The following SLCO1A2 variants were observed in gnomAD, a reference collection of about 807,000 sequenced individuals.
SLCO1A2 encodes the protein OATP-1.
SLCO1A2 carries 67 observed loss-of-function variants against 69.0 expected under a neutral mutation model. The observed-to-expected ratio is 0.97, with a 90% confidence interval of 0.80 to 1.19. SLCO1A2 has a LOEUF of 1.19. SLCO1A2 is among the 50% of genes most tolerant of loss of function. The pLI, the probability that SLCO1A2 is intolerant of heterozygous loss-of-function variation, is 0.00. For missense variants in SLCO1A2, 787 were observed against 793.7 expected (o/e 0.99, Z 0.10); for synonymous variants, 260 against 265.9 (o/e 0.98, Z 0.22).
At chr12:21,337,587 C>T (rs190927984), upstream of SLCO1A2, among the ~76,000 whole-genome samples, 7 of 151,990 alleles carry the variant, frequency 4.6e-5, no homozygotes, top group Admixed American at 1.3e-4. Flanking sequence ...TTTCCAGGAT[C>T]TTGAAATGGC....
At chr12:21,343,123 G>A (rs571922146) in intron 2 of SLCO1A2, among the ~76,000 whole-genome samples, 2 of 152,202 alleles carry the variant, frequency 1.3e-5, no homozygotes, top group East Asian at 3.9e-4. Context: ...GGAAAGGCAG[G>A]GAGAGAGACT....
At chr12:21,368,037 G>A (rs80327461) in intron 2 of SLCO1A2, among the ~76,000 whole-genome samples, 5,804 of 152,146 alleles carry the variant, frequency 0.038, 153 homozygotes, top group African/African-American at 0.069. Context: ...GCAATTATCA[G>A]CAAAGATTGC....
At chr12:21,413,294 A>G (rs1941941305) in intron 1 of SLCO1A2, among the ~76,000 whole-genome samples, 1 of 141,556 alleles carries the variant, frequency 7.1e-6, no homozygotes, top group Admixed American at 7.4e-5. Context: ...GCTGGAAAGC[A>G]GTGGCACATT....
intron 12 of SLCO1A2, among the ~76,000 whole-genome samples, 191 bp downstream of exon 12, chr12:21,291,973 C>A (rs561158457): frequency 1.3e-5 from 2 of 152,112 alleles, no homozygotes; most frequent in East Asian, 1.9e-4. Context: ...GAGTGAAATG[C>A]CAGCAGATGA....
intron 2 of SLCO1A2, among the ~76,000 whole-genome samples, chr12:21,360,553 A>C (rs1938760588): frequency 6.6e-6 from 1 of 152,230 alleles, no homozygotes; most frequent in Admixed American, 6.5e-5. Flanking sequence ...GGGGCTTGCC[A>C]GACAAGTGGG....
intron 12 of SLCO1A2, among the ~76,000 whole-genome samples, chr12:21,276,444 G>C (rs962067922): frequency 4.7e-5 from 7 of 148,900 alleles, no homozygotes; most frequent in Admixed American, 6.7e-5. Context: ...GTCCAAAATA[G>C]TGCAATAATT....
chr12:21,364,422 C>G (rs1397210893), intron 2 of SLCO1A2, among the ~76,000 whole-genome samples: 3 of 152,106 alleles, frequency 2.0e-5, no homozygotes, highest in Admixed American at 2.0e-4. Flanking sequence ...CTATTTATGA[C>G]AAACCCACAG....
intron 2 of SLCO1A2, among the ~76,000 whole-genome samples, chr12:21,327,727 G>A (rs1952346871): frequency 1.3e-5 from 2 of 152,112 alleles, no homozygotes; most frequent in African/African-American, 4.8e-5. Context: ...CTCAATGCCT[G>A]TATCCCCATT....
At chr12:21,320,745 C>G (rs141643235) in intron 2 of SLCO1A2, among the ~76,000 whole-genome samples, 15 of 152,232 alleles carry the variant, frequency 9.9e-5, no homozygotes, top group African/African-American at 3.4e-4. Flanking sequence ...GTGATCCGCC[C>G]ACCTTGGCCT....
intron 6 of SLCO1A2, 142 bp from the exon 7 acceptor site, chr12:21,301,411 G>A (rs1948696241): frequency 2.1e-6 from 1 of 466,582 alleles, no homozygotes; most frequent in Non-Finnish European, 3.7e-6. Context: ...AGTTAAGCTT[G>A]ATGTACATAT....
At chr12:21,332,910 A>G (rs900914069) in intron 2 of SLCO1A2, among the ~76,000 whole-genome samples, 7 of 152,184 alleles carry the variant, frequency 4.6e-5, no homozygotes, top group Admixed American at 2.0e-4. Context: ...AAATTTATCA[A>G]TTATTTTTGT....
At chr12:21,413,905 C>T (rs1221125468) in intron 1 of SLCO1A2, among the ~76,000 whole-genome samples, 2 of 152,100 alleles carry the variant, frequency 1.3e-5, no homozygotes, top group African/African-American at 4.8e-5. Context: ...ACTCCGGTAC[C>T]ACAGCAGACA....
Position 21,301,152 on chromosome 12 carries a change from A to T in SLCO1A2, c.688+19T>A, listed in dbSNP as rs2136445129. 1 of 1,543,430 alleles carries T rather than the reference A, an allele frequency of 6.5e-7. No individual in the cohort carries two copies. Among genetic ancestry groups the T allele is most frequent in the East Asian group, 2.3e-5 (1 of 44,358 alleles). ...TTTGTATAGTCTAGACACTGTACAA[A>T]TAGATTTTATTGAATTACCTGTGTT... On this transcript the variant is annotated intron_variant, in intron 7 of 14. Coordinates refer to ENST00000683939, the MANE Select transcript of SLCO1A2 (RefSeq NM_001386879.1).
intron 2 of SLCO1A2, among the ~76,000 whole-genome samples, chr12:21,369,249 C>G (rs1291458945): frequency 6.6e-6 from 1 of 152,088 alleles, no homozygotes; most frequent in Non-Finnish European, 1.5e-5. Flanking sequence ...CTCATTTCTT[C>G]CCTTTATTCA....
At chr12:21,301,438 T>C (rs1948701149) in intron 6 of SLCO1A2, among the ~76,000 whole-genome samples, 169 bp from the exon 7 acceptor site, 1 of 152,206 alleles carries the variant, frequency 6.6e-6, no homozygotes, top group East Asian at 1.9e-4. Flanking sequence ...TGGTTGTTTC[T>C]GTAAATGTTG....
intron 1 of SLCO1A2, among the ~76,000 whole-genome samples, chr12:21,410,585 T>G (rs1362014849): frequency 6.6e-6 from 1 of 152,190 alleles, no homozygotes; most frequent in Non-Finnish European, 1.5e-5. Context: ...CAGCTCCTAC[T>G]ATGTAAGTGC....
intron 2 of SLCO1A2, among the ~76,000 whole-genome samples, chr12:21,347,699 A>AGGAAGGAAGGAAGGAG (rs60038450): frequency 2.9e-5 from 2 of 68,480 alleles, no homozygotes; most frequent in Non-Finnish European, 4.0e-5. Flanking sequence ...GAAGGAAGGA[A>AGGAAGGAAGGAAGGAG]GAAGGAAAAA....
chr12:21,331,207 G>A (rs1180424036), intron 2 of SLCO1A2, among the ~76,000 whole-genome samples: 1 of 152,044 alleles, frequency 6.6e-6, no homozygotes, highest in African/African-American at 2.4e-5. Context: ...AAGGGTGAGT[G>A]ATGCCTTTGT....
intron 5 of SLCO1A2, 67 bp downstream of exon 5, chr12:21,306,815 G>T: frequency 1.0e-6 from 1 of 953,710 alleles, no homozygotes; most frequent in Non-Finnish European, 1.7e-6. Context: ...TCTCATTCAA[G>T]CCCCTCAGCA....
Sources: gnomAD v4.1 joint callset for allele counts (sites outside exome capture counted in the v4.1 genomes callset) on GRCh38, gnomAD v4.1.1 for gene constraint, MANE v1.5 for transcripts, NCBI Gene and HGNC (gene_info 2026-07-23, HGNC 2026-07-21) for gene names.